The following SLC25A13 variants were observed in gnomAD, a reference collection of about 807,000 sequenced individuals.
The protein encoded by SLC25A13 is electrogenic aspartate/glutamate antiporter SLC25A13, mitochondrial.
Under a neutral mutation model 85.5 loss-of-function variants are expected in SLC25A13, and 70 were observed. That is an observed-to-expected ratio of 0.82 (90% confidence interval 0.68 to 1.00). SLC25A13 has a LOEUF of 1.00. SLC25A13 is among the 50% of genes least tolerant of loss of function. The pLI is 0.00. For synonymous variants in SLC25A13, 259 were observed against 288.7 expected (o/e 0.90, Z 1.04); for missense variants, 765 against 819.8 (o/e 0.93, Z 0.82).
At chr7:96,169,820 C>T (rs1443910059) in intron 13 of SLC25A13, 4 of 564,752 alleles carry the variant, frequency 7.1e-6, no homozygotes, top group Non-Finnish European at 1.3e-5. Flanking sequence ...TAAGCAATGA[C>T]GAATTTAACA....
In SLC25A13 at chr7:96,120,704, CAATT is replaced by C; in HGVS notation, c.*483_*486del. ...CAGAGACAGAATTTGTGCATGCTTA[CAATT>C]TGAAGCCAGGCTGAATATATTTGAT... On this transcript the variant is annotated 3_prime_UTR_variant, in exon 18 of 18. Coordinates refer to ENST00000265631, the MANE Select transcript of SLC25A13 (RefSeq NM_014251.3). The C allele has an allele frequency of 2.2e-6, 1 of 454,484 alleles. No homozygotes were observed. The highest frequency in any genetic ancestry group is 4.4e-6 in the Non-Finnish European group (1 of 226,830). The allele number at this position is 454,484 out of a possible 1,614,324, so 28.2% of individuals were successfully genotyped here. A position where few individuals can be genotyped will look rare whatever the true frequency, so the allele number is the denominator to read the frequency against.
chr7:96,241,702 T>A (rs1278615712), intron 3 of SLC25A13, among the ~76,000 whole-genome samples: 3 of 152,044 alleles, frequency 2.0e-5, no homozygotes, highest in Non-Finnish European at 2.9e-5. Flanking sequence ...ATATACATAC[T>A]GCACTGTTCT....
At chr7:96,140,406 T>A (rs1208902075) in intron 14 of SLC25A13, among the ~76,000 whole-genome samples, 4 of 137,546 alleles carry the variant, frequency 2.9e-5, no homozygotes, top group East Asian at 2.1e-4. Flanking sequence ...CCTTTTTTTT[T>A]TTTTTTTTTT....
chr7:96,146,665 G>A lies in SLC25A13; in HGVS notation c.1343C>T (p.Pro448Leu). ...AGGSQVIFTNPLEIVKIRLQV... is the reference protein window; with the variant it reads ...AGGSQVIFTNLLEIVKIRLQV... The stretch of plus-strand genomic sequence containing the variant: ...CAAACGGATCTTGACGATTTCTAAA[G>A]GATTTGTGAAAATCACCTGGGAGCC... The change falls in exon 14 of 18, where the codon CCT becomes CTT. Residue 448 changes from proline (P) to leucine (L), a missense_variant. By Grantham distance (98) the Pro-to-Leu change is moderately conservative (BLOSUM62 -3). Transcript: ENST00000265631. The A allele has an allele frequency of 6.2e-7, 1 of 1,614,000 alleles. No homozygotes were observed. Among genetic ancestry groups the A allele is most frequent in the Non-Finnish European group, 8.5e-7 (1 of 1,179,992 alleles).
At chr7:96,253,616 C>CTT (rs1295015087) in intron 3 of SLC25A13, among the ~76,000 whole-genome samples, 2 of 152,152 alleles carry the variant, frequency 1.3e-5, no homozygotes, top group Non-Finnish European at 2.9e-5. Flanking sequence ...TTAGCAGGAG[C>CTT]AATAAGAGTG....
intron 15 of SLC25A13, among the ~76,000 whole-genome samples, chr7:96,128,939 G>GCTCGCTCTCTCTCT (rs1380552400): frequency 2.2e-4 from 18 of 81,902 alleles, no homozygotes; most frequent in African/African-American, 5.6e-4. Flanking sequence ...TGCCTTGCTT[G>GCTCGCTCTCTCTCT]CTCTCTCTCT....
intron 1 of SLC25A13, among the ~76,000 whole-genome samples, chr7:96,318,624 G>C (rs1800216868): frequency 6.6e-6 from 1 of 152,108 alleles, no homozygotes; most frequent in Admixed American, 6.6e-5. Context: ...AAAATAAAAA[G>C]CAGCCAAAGA....
chr7:96,225,256 G>C (rs1405211928), intron 4 of SLC25A13, among the ~76,000 whole-genome samples: 2 of 152,136 alleles, frequency 1.3e-5, no homozygotes, highest in African/African-American at 4.8e-5. Context: ...TTAGCTCTCA[G>C]GAACAGCCCA....
At chr7:96,211,300 G>A (rs1008585099) in intron 4 of SLC25A13, among the ~76,000 whole-genome samples, 9 of 151,948 alleles carry the variant, frequency 5.9e-5, no homozygotes, top group African/African-American at 1.7e-4. Flanking sequence ...CCTGGCTGAT[G>A]TACTGAAATC....
chr7:96,219,218 C>T (rs1300081381), intron 4 of SLC25A13, among the ~76,000 whole-genome samples: 1 of 152,160 alleles, frequency 6.6e-6, no homozygotes, highest in Non-Finnish European at 1.5e-5. Flanking sequence ...AAGTACTTCA[C>T]ATTAAAATTG....
chr7:96,123,373 C>G (rs534175191), intron 15 of SLC25A13, among the ~76,000 whole-genome samples: 10 of 152,298 alleles, frequency 6.6e-5, no homozygotes, highest in African/African-American at 2.4e-4. Flanking sequence ...AGCAAGACAG[C>G]CTGCTTTAGA....
In SLC25A13 at chr7:96,279,236, A is replaced by T. The variant is rs559361969; in HGVS notation, c.70-1898T>A. On this transcript the variant is annotated intron_variant, in intron 2 of 17. Transcript: ENST00000265631. ...ACTTTGGTCTATTATATTTGTTGCAAATATTTTTCCAGTTTGATATTTTTA... is the reference window on the plus strand; with the variant it reads ...ACTTTGGTCTATTATATTTGTTGCATATATTTTTCCAGTTTGATATTTTTA... Among the ~76,000 whole-genome samples the T allele has an allele frequency of 1.4e-4, 21 of 152,296 alleles. No individual in the cohort carries two copies. The South Asian group carries it at 2.9e-3, about 21-fold the overall frequency.
chr7:96,163,102 A>G (rs1387323997), intron 13 of SLC25A13, among the ~76,000 whole-genome samples: 3 of 152,152 alleles, frequency 2.0e-5, no homozygotes, highest in Non-Finnish European at 2.9e-5. Context: ...ATCCTTTGCT[A>G]TTATTCCTAT....
intron 2 of SLC25A13, among the ~76,000 whole-genome samples, chr7:96,285,030 C>T (rs1798833883): frequency 1.3e-5 from 2 of 152,154 alleles, no homozygotes; most frequent in African/African-American, 4.8e-5. Context: ...GGCTCCCTCT[C>T]ACTTTCTCTG....
intron 13 of SLC25A13, among the ~76,000 whole-genome samples, chr7:96,162,653 A>T (rs1186065701): frequency 6.6e-6 from 1 of 152,216 alleles, no homozygotes; most frequent in East Asian, 1.9e-4. Context: ...CCTACTGTAG[A>T]GAAAGGCTAG....
intron 5 of SLC25A13, among the ~76,000 whole-genome samples, chr7:96,198,849 A>C (rs1381160011): frequency 6.6e-6 from 1 of 152,222 alleles, no homozygotes; most frequent in Non-Finnish European, 1.5e-5. Context: ...CTCTACCACA[A>C]AGGAAAATAC....
chr7:96,140,852 A>G (rs1584362702), intron 14 of SLC25A13, among the ~76,000 whole-genome samples: 1 of 151,388 alleles, frequency 6.6e-6, no homozygotes. Flanking sequence ...GATGTTGAAA[A>G]TTTTTTACAT....
intron 15 of SLC25A13, among the ~76,000 whole-genome samples, chr7:96,128,840 A>G (rs1791857969): frequency 6.6e-6 from 1 of 151,434 alleles, no homozygotes. Flanking sequence ...AGTTCCCAAA[A>G]TGGCCCTCAA....
At chr7:96,171,164 T>C (rs1004560773) in intron 12 of SLC25A13, among the ~76,000 whole-genome samples, 13 of 152,182 alleles carry the variant, frequency 8.5e-5, no homozygotes, top group Non-Finnish European at 1.9e-4. Flanking sequence ...TGCTTGAGAT[T>C]AAACCAGTAA....
Sources: gnomAD v4.1 joint callset for allele counts (sites outside exome capture counted in the v4.1 genomes callset) on GRCh38, gnomAD v4.1.1 for gene constraint, MANE v1.5 for transcripts, NCBI Gene and HGNC (gene_info 2026-07-23, HGNC 2026-07-21) for gene names.